ANKS1B: variants seen among roughly 807,000 people sequenced by gnomAD.
ANKS1B encodes ankyrin repeat and sterile alpha motif domain containing 1B.
Under a neutral mutation model 148.3 loss-of-function variants are expected in ANKS1B, and 36 were observed. The observed-to-expected ratio is 0.24, with a 90% CI of 0.19 to 0.32. The LOEUF (loss-of-function observed/expected upper bound fraction) is 0.32, where lower values mean the gene tolerates loss of function less well. Among genes scored for constraint, ANKS1B ranks in the 10% least tolerant of loss-of-function variants. ANKS1B has a pLI of 1.00. For synonymous variants in ANKS1B, 542 were observed against 560.8 expected (o/e 0.97, Z 0.47); for missense variants, 1,157 against 1,542.6 (o/e 0.75, Z 4.19).
intron 25 of ANKS1B, among the ~76,000 whole-genome samples, chr12:98,761,954 A>G (rs547691835): frequency 6.6e-6 from 1 of 152,308 alleles, no homozygotes; most frequent in South Asian, 2.1e-4. Context: ...CCACATTTTC[A>G]TGACTGGAAT....
At chr12:98,850,756 C>T (rs560968239) in intron 17 of ANKS1B, among the ~76,000 whole-genome samples, 36 of 150,080 alleles carry the variant, frequency 2.4e-4, no homozygotes, top group African/African-American at 6.9e-4. Flanking sequence ...CGTGAGCCAC[C>T]GCACCCGGCC....
chr12:98,937,742 T>A (rs2099820110), intron 17 of ANKS1B, among the ~76,000 whole-genome samples: 3 of 152,068 alleles, frequency 2.0e-5, no homozygotes, highest in Admixed American at 2.0e-4. Flanking sequence ...TGTATTACTC[T>A]ACACTGCTAT....
Position 99,045,589 on chromosome 12 carries a change from C to T in ANKS1B, c.2778+7568G>A, listed in dbSNP as rs561468463. ...AATTCAATTGTTTTAGATATGGGGC[C>T]CTCACCTACAGGGATTAACATAAGT... On this transcript the variant is annotated intron_variant, in intron 17 of 26. Coordinates refer to ENST00000683438, the MANE Select transcript of ANKS1B (RefSeq NM_001352186.2). 9.2e-5 allele frequency among the ~76,000 whole-genome samples: 14 copies of T among 152,276 alleles called. No homozygotes were observed. In the South Asian group the frequency reaches 2.1e-3, roughly 23 times the overall value.
chr12:99,102,947 C>T (rs1186428395), intron 15 of ANKS1B, among the ~76,000 whole-genome samples: 1 of 151,278 alleles, frequency 6.6e-6, no homozygotes, highest in African/African-American at 2.4e-5. Context: ...ACGCTCAGAG[C>T]AGGTTGAAAC....
chr12:98,765,303 C>CA (rs1355426650), intron 25 of ANKS1B, among the ~76,000 whole-genome samples: 1 of 152,192 alleles, frequency 6.6e-6, no homozygotes, highest in Non-Finnish European at 1.5e-5. Context: ...CTTGCTCAGT[C>CA]ACCCAGGCTG....
chr12:99,929,158 T>C (rs1015014956), intron 1 of ANKS1B, among the ~76,000 whole-genome samples: 1 of 152,212 alleles, frequency 6.6e-6, no homozygotes, highest in Admixed American at 6.5e-5. Flanking sequence ...TAAATTCTTA[T>C]ATAAGTGAAA....
At chr12:99,972,987 G>A (rs1323797631) in intron 1 of ANKS1B, among the ~76,000 whole-genome samples, 1 of 152,184 alleles carries the variant, frequency 6.6e-6, no homozygotes, top group African/African-American at 2.4e-5. Flanking sequence ...AAGCCTGGAT[G>A]ACAGCACATC....
intron 17 of ANKS1B, among the ~76,000 whole-genome samples, chr12:98,917,238 G>A (rs984914913): frequency 6.6e-6 from 1 of 152,202 alleles, no homozygotes; most frequent in Non-Finnish European, 1.5e-5. Flanking sequence ...AATTGATATA[G>A]AGAGCGGTTA....
chr12:99,201,787 T>C (rs2082101114), intron 14 of ANKS1B, among the ~76,000 whole-genome samples: 1 of 152,204 alleles, frequency 6.6e-6, no homozygotes, highest in Admixed American at 6.5e-5. Context: ...ATAGCAAGGT[T>C]TATTTTACAG....
At chr12:99,288,656 T>G (rs555545771) in intron 12 of ANKS1B, among the ~76,000 whole-genome samples, 1 of 152,142 alleles carries the variant, frequency 6.6e-6, no homozygotes, top group Non-Finnish European at 1.5e-5. Flanking sequence ...GCTTGTTTGT[T>G]AATTTGTTTT....
At chr12:99,268,243 C>A (rs1001557079) in intron 12 of ANKS1B, among the ~76,000 whole-genome samples, 1 of 152,134 alleles carries the variant, frequency 6.6e-6, no homozygotes, top group Non-Finnish European at 1.5e-5. Flanking sequence ...CTATAGACAG[C>A]GATCTCAGTA....
At chr12:99,935,357 C>A (rs368400542) in intron 1 of ANKS1B, among the ~76,000 whole-genome samples, 498 of 129,972 alleles carry the variant, frequency 3.8e-3, no homozygotes, top group Non-Finnish European at 4.1e-3. Flanking sequence ...AGATGCCTGA[C>A]AAAAAAAAAA....
At chr12:99,270,285 T>C (rs1395173967) in intron 12 of ANKS1B, among the ~76,000 whole-genome samples, 2 of 152,198 alleles carry the variant, frequency 1.3e-5, no homozygotes, top group Non-Finnish European at 2.9e-5. Context: ...CCTTTTCTCA[T>C]TATGAGAGCT....
At chr12:99,370,947 T>C (rs997277057) in intron 12 of ANKS1B, among the ~76,000 whole-genome samples, 4 of 152,174 alleles carry the variant, frequency 2.6e-5, no homozygotes, top group African/African-American at 9.6e-5. Context: ...AAAGACAAAC[T>C]GGGTTTCATA....
At chr12:98,948,447 T>C (rs1449560580) in intron 17 of ANKS1B, among the ~76,000 whole-genome samples, 1 of 152,146 alleles carries the variant, frequency 6.6e-6, no homozygotes, top group Non-Finnish European at 1.5e-5. Flanking sequence ...AACTGAAGCT[T>C]TTGAGTGATT....
At chr12:99,328,860 A>G (rs1420515976) in intron 12 of ANKS1B, among the ~76,000 whole-genome samples, 1 of 151,950 alleles carries the variant, frequency 6.6e-6, no homozygotes, top group Admixed American at 6.6e-5. Flanking sequence ...ACTGTGTTCC[A>G]TATTTTAAAA....
chr12:99,508,727 C>T (rs2153021154), intron 9 of ANKS1B, among the ~76,000 whole-genome samples: 1 of 151,714 alleles, frequency 6.6e-6, no homozygotes, highest in East Asian at 1.9e-4. Flanking sequence ...TTTACATATT[C>T]AACTATTTTG....
At chr12:98,928,338 T>C (rs2099810615) in intron 17 of ANKS1B, among the ~76,000 whole-genome samples, 3 of 151,386 alleles carry the variant, frequency 2.0e-5, no homozygotes, top group Admixed American at 1.3e-4. Context: ...AATGGCCTTA[T>C]TAATGAATTC....
intron 17 of ANKS1B, among the ~76,000 whole-genome samples, chr12:98,912,676 G>A (rs1364465205): frequency 6.6e-6 from 1 of 152,200 alleles, no homozygotes; most frequent in Non-Finnish European, 1.5e-5. Context: ...ATGGAGACTG[G>A]TGCTAACAAG....
Sources: allele counts gnomAD v4.1 joint callset (sites outside exome capture counted in the v4.1 genomes callset), GRCh38; gene constraint gnomAD v4.1.1; transcripts MANE v1.5; gene names NCBI Gene and HGNC (gene_info 2026-07-23, HGNC 2026-07-21).